The following CBX1 variants were observed in gnomAD, a reference collection of about 807,000 sequenced individuals.
CBX1 encodes chromobox 1.
Under a neutral mutation model 25.1 loss-of-function variants are expected in CBX1, and 10 were observed. The observed-to-expected ratio is 0.40, with a 90% CI of 0.25 to 0.68. The LOEUF (loss-of-function observed/expected upper bound fraction) is 0.68. Ranked by LOEUF, CBX1 falls within the 30% of genes least tolerant of loss-of-function variation. The probability of loss-of-function intolerance (pLI) is 0.40; values close to 1 mark genes in which losing one functional copy is unlikely to be tolerated. For missense variants in CBX1, 106 were observed against 218.5 expected, an observed-to-expected ratio of 0.49 and a Z score of 3.25; for synonymous variants, 63 against 79.4, an observed-to-expected ratio of 0.79 and a Z score of 1.10.
chr17:48,078,772 G>C (rs2037702032), intron 1 of CBX1, among the ~76,000 whole-genome samples: 1 of 147,516 alleles, frequency 6.8e-6, no homozygotes, highest in Non-Finnish European at 1.5e-5. Context: ...ACAAGCGTGA[G>C]CCACCGTGCC....
At chr17:48,099,854 A>C (rs1226282744) in intron 1 of CBX1, among the ~76,000 whole-genome samples, 2 of 152,166 alleles carry the variant, frequency 1.3e-5, no homozygotes, top group Admixed American at 6.6e-5. Context: ...AAAGAGGTAA[A>C]ATATGGCCAG....
intron 1 of CBX1, among the ~76,000 whole-genome samples, chr17:48,081,054 CTTAT>C (rs2037733734): frequency 8.2e-6 from 1 of 121,302 alleles, no homozygotes; most frequent in Non-Finnish European, 1.6e-5. Flanking sequence ...TATTTATTTG[CTTAT>C]TTAGAGACCA....
At chr17:48,086,495 A>G (rs1598310800) in intron 1 of CBX1, among the ~76,000 whole-genome samples, 1 of 152,188 alleles carries the variant, frequency 6.6e-6, no homozygotes, top group South Asian at 2.1e-4. Flanking sequence ...AGGCCATGGT[A>G]ACACCTACAG....
intron 1 of CBX1, among the ~76,000 whole-genome samples, chr17:48,094,138 A>AAAG (rs2063359753): frequency 6.8e-6 from 1 of 147,080 alleles, no homozygotes; most frequent in Non-Finnish European, 1.5e-5. Context: ...AAAAAAAAAA[A>AAAG]GAAGTGTGGG....
At chr17:48,096,331 G>C in intron 1 of CBX1, 1 of 985,112 alleles carries the variant, frequency 1.0e-6, no homozygotes, top group Non-Finnish European at 1.2e-6. Flanking sequence ...TTTTGACACA[G>C]ATTTTTGGGT....
At chr17:48,096,378 C>T in intron 1 of CBX1, 12 of 984,864 alleles carry the variant, frequency 1.2e-5, no homozygotes, top group Non-Finnish European at 1.4e-5. Flanking sequence ...TTAGTATGGA[C>T]ACAGAGATAC....
chr17:48,074,980 CCA>C, intron 4 of CBX1, 24 bp downstream of exon 4: 8 of 1,516,214 alleles, frequency 5.3e-6, no homozygotes, highest in Non-Finnish European at 7.3e-6. Context: ...AAAAAAACAA[CCA>C]CACAGAGCCA....
In CBX1 at chr17:48,101,437, C is replaced by G. The variant is rs1168029222; in HGVS notation, c.-207G>C. 1 of 985,462 alleles carries G rather than the reference C, an allele frequency of 1.0e-6. No individual in the cohort carries two copies. Among genetic ancestry groups the G allele is most frequent in the Non-Finnish European group, 1.2e-6 (1 of 830,028 alleles). The allele number at this position is 985,462 out of a possible 1,614,324, so 61.0% of individuals were successfully genotyped here. A position where few individuals can be genotyped will look rare whatever the true frequency, so the allele number is the denominator to read the frequency against. On this transcript the variant is annotated 5_prime_UTR_variant, in exon 1 of 5. Transcript: ENST00000225603. The stretch of plus-strand genomic sequence containing the variant: ...CCCCGGCCAACGGCCCTCCCCTCAG[C>G]CGAACAAAAGAGCCTCGCAGTCTGC...
At chr17:48,100,869 C>G (rs2063405485) in intron 1 of CBX1, 1 of 985,532 alleles carries the variant, frequency 1.0e-6, no homozygotes, top group South Asian at 4.7e-5. Context: ...AATACAGTTA[C>G]AAACCTCGGG....
chr17:48,080,266 A>G (rs1276074124), intron 1 of CBX1, among the ~76,000 whole-genome samples: 1 of 152,094 alleles, frequency 6.6e-6, no homozygotes, highest in Non-Finnish European at 1.5e-5. Flanking sequence ...CGAACTCCTG[A>G]CCTCAAGTGA....
At chr17:48,099,524 G>A (rs1445872961) in intron 1 of CBX1, among the ~76,000 whole-genome samples, 1 of 152,110 alleles carries the variant, frequency 6.6e-6, no homozygotes, top group Non-Finnish European at 1.5e-5. Flanking sequence ...CTTCATTAAG[G>A]TGCCACCGGT....
rs2037647817 is a variant in CBX1 at position 48,073,761 on chromosome 17, A to C, written c.413+1245T>G. 2.8e-5 allele frequency among the ~76,000 whole-genome samples: 4 copies of C among 140,524 alleles called. No individual in the cohort carries two copies. In the South Asian group the frequency reaches 9.7e-4, roughly 34 times the overall value. 92.2% of individuals were successfully genotyped at this position (140,524 alleles called of 152,430 possible). On this transcript the variant is annotated intron_variant, in intron 4 of 4. Coordinates refer to ENST00000225603, the MANE Select transcript of CBX1 (RefSeq NM_001127228.2). ...AGAATCATTGAACCCGGAGGGGCGG[A>C]GGTTGCAGTGAGCTGAGATCGTGCC...
At chr17:48,071,793 G>A (rs1213000264) in intron 4 of CBX1, among the ~76,000 whole-genome samples, 1 of 152,288 alleles carries the variant, frequency 6.6e-6, no homozygotes. Context: ...CTGGGGATTC[G>A]TGTATGTCAA....
chr17:48,096,352 C>T, intron 1 of CBX1: 1 of 985,270 alleles, frequency 1.0e-6, no homozygotes. Flanking sequence ...TGAGAGGCCA[C>T]AAGAGTCTAC....
Position 48,083,695 on chromosome 17 carries a change from G to A in CBX1, c.-37-6654C>T, listed in dbSNP as rs1449620432. ...AAAAATTAGCTGGGTGTGGTGGTGG[G>A]CGCCTGTAATCCCAGCTACTTGGAA... On this transcript the variant is annotated intron_variant, in intron 1 of 4. Transcript: ENST00000225603. Among the ~76,000 whole-genome samples, 6 of 149,866 alleles carry A rather than the reference G, an allele frequency of 4.0e-5. 1 individual carries two copies. The highest frequency in any genetic ancestry group is 1.5e-4 in the African/African-American group (6 of 39,474).
intron 1 of CBX1, chr17:48,100,626 G>T (rs1041205027): frequency 4.4e-6 from 3 of 675,030 alleles, no homozygotes; most frequent in Non-Finnish European, 5.5e-6. Context: ...AAATATTCTC[G>T]GGATCTCCGC....
At chr17:48,087,596 G>A (rs2063319715) in intron 1 of CBX1, among the ~76,000 whole-genome samples, 3 of 151,770 alleles carry the variant, frequency 2.0e-5, no homozygotes, top group Admixed American at 2.0e-4. Flanking sequence ...AAAAAAGGCT[G>A]GGCGCAGTGG....
intron 1 of CBX1, chr17:48,096,462 C>A: frequency 1.3e-6 from 1 of 786,440 alleles, no homozygotes; most frequent in Non-Finnish European, 1.5e-6. Flanking sequence ...ATTATGACTA[C>A]ATTGGAAACG....
chr17:48,090,544 C>T (rs1235413414), intron 1 of CBX1, among the ~76,000 whole-genome samples: 2 of 152,164 alleles, frequency 1.3e-5, no homozygotes, highest in African/African-American at 4.8e-5. Flanking sequence ...TTCGAAGCCA[C>T]CATCATCTCT....
Sources: allele counts gnomAD v4.1 joint callset (sites outside exome capture counted in the v4.1 genomes callset), GRCh38; gene constraint gnomAD v4.1.1; transcripts MANE v1.5; gene names NCBI Gene and HGNC (gene_info 2026-07-23, HGNC 2026-07-21).